CFAP61: variants seen among roughly 807,000 people sequenced by gnomAD.
The protein encoded by CFAP61 is cilia and flagella associated protein 61, also known as cilia- and flagella-associated protein 61.
In CFAP61, 107 loss-of-function variants were observed where a neutral mutation model predicts 135.6. The observed-to-expected ratio is 0.79, with a 90% CI of 0.67 to 0.93. The LOEUF is 0.93. Among genes scored for constraint, CFAP61 ranks in the 40% least tolerant of loss-of-function variants. The pLI is 0.00. For synonymous variants in CFAP61, 575 were observed against 578.5 expected (o/e 0.99, Z 0.09); for missense variants, 1,507 against 1,556.2 (o/e 0.97, Z 0.53).
At chr20:20,280,508 ATAACCAGAATCATACATTATATAC>A (rs1170246568) in intron 22 of CFAP61, among the ~76,000 whole-genome samples, 2 of 152,180 alleles carry the variant, frequency 1.3e-5, no homozygotes, top group African/African-American at 2.4e-5. Context: ...TATGATGTTG[ATAACCAGAATCATACATTATATAC>A]TATTTTTCTA....
Position 20,075,174 on chromosome 20 carries a change from C to G in CFAP61, c.372-15C>G, listed in dbSNP as rs1439094015. On this transcript the variant is annotated splice_polypyrimidine_tract_variant and intron_variant, in intron 4 of 26. Transcript: ENST00000245957. ...TTTGTTAGTAACACTGCCCCACCCT[C>G]TCTTTCCTCACCAGAACCGTGTATA... 1.9e-6 allele frequency: 3 copies of G among 1,613,530 alleles called. No individual in the cohort carries two copies. The highest frequency in any genetic ancestry group is 2.5e-6 in the Non-Finnish European group (3 of 1,179,560).
At chr20:20,210,359 A>G (rs74643885) in intron 17 of CFAP61, among the ~76,000 whole-genome samples, 10,587 of 152,272 alleles carry the variant, frequency 0.07, 399 homozygotes, top group Middle Eastern at 0.14. Flanking sequence ...TGTCATTGGA[A>G]GCATCAACTT....
chr20:20,226,776 G>A (rs1409266340), intron 17 of CFAP61, among the ~76,000 whole-genome samples: 1 of 152,214 alleles, frequency 6.6e-6, no homozygotes, highest in Non-Finnish European at 1.5e-5. Context: ...TAGGTCACAT[G>A]TGTATCCTGA....
At chr20:20,055,573 G>A (rs1431264314) in intron 1 of CFAP61, among the ~76,000 whole-genome samples, 4 of 151,952 alleles carry the variant, frequency 2.6e-5, no homozygotes, top group East Asian at 3.9e-4. Flanking sequence ...AATTTCCCTC[G>A]CTCGCTTTCT....
At chr20:20,185,617 A>T (rs1398917343) in intron 13 of CFAP61, among the ~76,000 whole-genome samples, 1 of 152,190 alleles carries the variant, frequency 6.6e-6, no homozygotes, top group South Asian at 2.1e-4. Context: ...CGACTCTTAG[A>T]TGGCCATGTC....
At chr20:20,160,386 A>G (rs1019951238) in intron 10 of CFAP61, among the ~76,000 whole-genome samples, 2 of 152,142 alleles carry the variant, frequency 1.3e-5, no homozygotes, top group African/African-American at 4.8e-5. Flanking sequence ...AGGTTCTCCA[A>G]CCTGTCTCCT....
rs2055800978 is a variant in CFAP61 at position 20,298,294 on chromosome 20, C to T, written c.3330C>T (p.Ala1110=). The change falls in exon 25 of 27, where the codon GCC becomes GCT. Residue 1110 remains alanine, a synonymous_variant. Coordinates refer to ENST00000245957, the MANE Select transcript of CFAP61 (RefSeq NM_015585.4). The part of the protein sequence containing the change: ...ITCLSREPFP[A]SNYIRLFGQH... ...GCCTTTCTAGGGAGCCCTTCCCCGC[C>T]TCCAACTACATCCGCTTGTTTGGCC... 1 of 1,614,158 alleles carries T rather than the reference C, an allele frequency of 6.2e-7. No individual in the cohort carries two copies. Among genetic ancestry groups the T allele is most frequent in the African/African-American group, 1.3e-5 (1 of 75,044 alleles).
At chr20:20,284,528 G>A (rs1026991719) in intron 22 of CFAP61, among the ~76,000 whole-genome samples, 1 of 151,994 alleles carries the variant, frequency 6.6e-6, no homozygotes, top group Admixed American at 6.6e-5. Flanking sequence ...TTCGTGATCC[G>A]CCTGCCTCAG....
At chr20:20,123,988 T>G (rs2049879114) in intron 8 of CFAP61, among the ~76,000 whole-genome samples, 1 of 148,508 alleles carries the variant, frequency 6.7e-6, no homozygotes, top group Admixed American at 6.7e-5. Flanking sequence ...TTTTTTTTTT[T>G]TTTTTGCATG....
At chr20:20,257,628 CAAAA>C (rs79177514) in intron 20 of CFAP61, among the ~76,000 whole-genome samples, 1 of 36,822 alleles carries the variant, frequency 2.7e-5, no homozygotes, top group Non-Finnish European at 6.2e-5. Context: ...AACAAAAAAA[CAAAA>C]AAAAAAAAGA....
chr20:20,061,883 G>A (rs2044827049), intron 2 of CFAP61, among the ~76,000 whole-genome samples: 1 of 152,152 alleles, frequency 6.6e-6, no homozygotes, highest in Admixed American at 6.5e-5. Context: ...GAGGCACGCA[G>A]GGTATCCTGG....
At chr20:20,348,996 A>G (rs1442494264) in intron 26 of CFAP61, among the ~76,000 whole-genome samples, 1 of 152,194 alleles carries the variant, frequency 6.6e-6, no homozygotes, top group Admixed American at 6.5e-5. Context: ...TTCTAGCCAG[A>G]GCAATCAGGC....
chr20:20,312,110 T>C (rs2056868088), intron 25 of CFAP61, among the ~76,000 whole-genome samples: 1 of 152,124 alleles, frequency 6.6e-6, no homozygotes. Flanking sequence ...AACAAAATGA[T>C]ACAATTTCTG....
At chr20:20,093,515 A>G (rs1315063959) in intron 7 of CFAP61, among the ~76,000 whole-genome samples, 1 of 149,582 alleles carries the variant, frequency 6.7e-6, no homozygotes, top group Non-Finnish European at 1.5e-5. Context: ...GCTGACTGCA[A>G]CCTCCACCTC....
intron 7 of CFAP61, among the ~76,000 whole-genome samples, chr20:20,091,926 C>T (rs1277900856): frequency 6.6e-6 from 1 of 152,214 alleles, no homozygotes; most frequent in Non-Finnish European, 1.5e-5. Flanking sequence ...AGGTGATCCG[C>T]CCGCCTTGGC....
At chr20:20,054,009 G>T (rs6136929) in intron 1 of CFAP61, among the ~76,000 whole-genome samples, 3,161 of 87,620 alleles carry the variant, frequency 0.036, 55 homozygotes, top group Non-Finnish European at 0.053. Context: ...TGTTTTTTTT[G>T]TTTGTTTTTT....
chr20:20,284,843 T>C (rs1445133397), intron 22 of CFAP61, among the ~76,000 whole-genome samples: 1 of 152,220 alleles, frequency 6.6e-6, no homozygotes, highest in Non-Finnish European at 1.5e-5. Context: ...CATATGTATT[T>C]TGAAGAATTA....
chr20:20,120,951 T>C (rs963793380), intron 8 of CFAP61, among the ~76,000 whole-genome samples: 10 of 152,156 alleles, frequency 6.6e-5, no homozygotes. Context: ...CTACTACTGC[T>C]CTTTTTTGGT....
At chr20:20,207,211 G>A (rs2056893816) in intron 17 of CFAP61, among the ~76,000 whole-genome samples, 2 of 152,214 alleles carry the variant, frequency 1.3e-5, no homozygotes, top group African/African-American at 4.8e-5. Flanking sequence ...CCAAATGCAG[G>A]AGGAAAATGG....
Sources: allele counts gnomAD v4.1 joint callset (sites outside exome capture counted in the v4.1 genomes callset), GRCh38; gene constraint gnomAD v4.1.1; transcripts MANE v1.5; gene names NCBI Gene and HGNC (gene_info 2026-07-23, HGNC 2026-07-21).